KCTD3: variants seen among roughly 807,000 people sequenced by gnomAD.
KCTD3 encodes the protein potassium channel tetramerization domain containing 3.
KCTD3 carries 41 observed loss-of-function variants against 85.8 expected under a neutral mutation model. That is an observed-to-expected ratio of 0.48 (90% CI 0.37 to 0.62). KCTD3 has a LOEUF of 0.62. Ranked by LOEUF, KCTD3 falls within the 20% of genes least tolerant of loss-of-function variation. KCTD3 has a pLI of 0.00. For synonymous variants in KCTD3, 338 were observed against 345.4 expected (o/e 0.98, Z 0.24); for missense variants, 724 against 989.9 (o/e 0.73, Z 3.60).
intron 14 of KCTD3, among the ~76,000 whole-genome samples, chr1:215,609,522 A>G (rs1410050118): frequency 1.3e-5 from 2 of 152,072 alleles, no homozygotes; most frequent in East Asian, 3.9e-4. Flanking sequence ...AATTTTGAGA[A>G]TGATACTAGA....
intron 1 of KCTD3, 126 bp downstream of exon 1, chr1:215,567,894 GGGGCCTCCA>G: frequency 1.8e-6 from 1 of 566,658 alleles, no homozygotes; most frequent in South Asian, 9.1e-5. Flanking sequence ...GGGGAACGTG[GGGGCCTCCA>G]GGCGGCAAGA....
chr1:215,613,889 T>G (rs1282426354), intron 15 of KCTD3, among the ~76,000 whole-genome samples: 1 of 152,186 alleles, frequency 6.6e-6, no homozygotes, highest in East Asian at 1.9e-4. Flanking sequence ...CATGCTGTTT[T>G]GGTTATTGTA....
chr1:215,613,466 G>A (rs1655307587), intron 15 of KCTD3, among the ~76,000 whole-genome samples: 1 of 152,170 alleles, frequency 6.6e-6, no homozygotes, highest in Non-Finnish European at 1.5e-5. Context: ...TTACTCTGTT[G>A]ATAGTTTCTT....
chr1:215,604,995 A>G (rs1654962743), intron 13 of KCTD3, among the ~76,000 whole-genome samples: 1 of 152,198 alleles, frequency 6.6e-6, no homozygotes, highest in South Asian at 2.1e-4. Flanking sequence ...GTACTTTCTG[A>G]TTACAAAGTA....
At chr1:215,584,882 G>T (rs1339589655) in intron 8 of KCTD3, among the ~76,000 whole-genome samples, 1 of 152,164 alleles carries the variant, frequency 6.6e-6, no homozygotes, top group African/African-American at 2.4e-5. Context: ...CAGATAGAGA[G>T]AAAGAAATAT....
intron 4 of KCTD3, 140 bp downstream of exon 4, chr1:215,576,114 G>T (rs560180992): frequency 2.5e-5 from 15 of 590,354 alleles, no homozygotes; most frequent in Non-Finnish European, 4.2e-5. Flanking sequence ...AGGCTGGAGT[G>T]CAGGAGTGCA....
At chr1:215,615,058 AAC>A (rs889608810) in intron 15 of KCTD3, among the ~76,000 whole-genome samples, 4 of 152,160 alleles carry the variant, frequency 2.6e-5, no homozygotes, top group Admixed American at 1.3e-4. Flanking sequence ...TTCTAACAGT[AAC>A]ACTGTGCAAT....
At chr1:215,579,866 C>G (rs919584905) in intron 7 of KCTD3, 43 bp from the exon 8 acceptor site, 1 of 1,435,794 alleles carries the variant, frequency 7.0e-7, no homozygotes. Context: ...TTTGCCAACC[C>G]CCGGTTTAGA....
intron 10 of KCTD3, among the ~76,000 whole-genome samples, chr1:215,600,734 A>G (rs1654799032): frequency 6.6e-6 from 1 of 152,210 alleles, no homozygotes; most frequent in African/African-American, 2.4e-5. Context: ...TATGAAAAGT[A>G]AAAGTCCCTT....
chr1:215,616,602 A>G (rs901894908), intron 15 of KCTD3, among the ~76,000 whole-genome samples: 1 of 152,014 alleles, frequency 6.6e-6, no homozygotes, highest in African/African-American at 2.4e-5. Context: ...CTCTACTAAA[A>G]ATACAAAATT....
In KCTD3 at chr1:215,619,155, G is replaced by A. The variant is rs1464715010; in HGVS notation, c.1750G>A (p.Val584Ile). 3.7e-6 allele frequency: 6 copies of A among 1,613,476 alleles called. No individual in the cohort carries two copies. Among genetic ancestry groups the A allele is most frequent in the Non-Finnish European group, 5.1e-6 (6 of 1,179,716 alleles). The change falls in exon 17 of 18, where the codon GTA (valine) becomes ATA (isoleucine). Residue 584 changes from valine to isoleucine, a missense_variant and splice_region_variant. Physicochemically the swap from Val to Ile is conservative, Grantham distance 29. Coordinates refer to ENST00000259154, the MANE Select transcript of KCTD3 (RefSeq NM_016121.5). ...TAATGACTATTTGTTCTCCTAAGAT[G>A]TAGGTGGTCCAACCGAAGAAGAGCT... ...DMVNKSEDKDVGGPTEEELLK... is the reference protein window; with the variant it reads ...DMVNKSEDKDIGGPTEEELLK...
Position 215,608,024 on chromosome 1 carries a change from A to G in KCTD3, c.1317A>G (p.Ala439=). The part of the protein sequence containing the change: ...LSEKHLVSVC[A]DNNHVRTWTV... ...GTTCTCTTTCTCTGCTAGTCTGTGC[A>G]GATAATAATCATGTCCGGACGTGGA... The change falls in exon 14 of 18, where the codon GCA becomes GCG. Residue 439 remains alanine, a synonymous_variant. Transcript: ENST00000259154. 1.2e-6 allele frequency: 2 copies of G among 1,604,782 alleles called. No individual in the cohort carries two copies. Among genetic ancestry groups the G allele is most frequent in the Non-Finnish European group, 1.7e-6 (2 of 1,176,860 alleles).
At chr1:215,599,228 A>G (rs953011876) in intron 10 of KCTD3, among the ~76,000 whole-genome samples, 33 of 152,322 alleles carry the variant, frequency 2.2e-4, no homozygotes, top group African/African-American at 7.5e-4. Flanking sequence ...CTAAAGAAAA[A>G]TGCCTTTTGA....
intron 15 of KCTD3, 81 bp from the exon 16 acceptor site, chr1:215,618,805 C>A: frequency 9.6e-7 from 1 of 1,040,284 alleles, no homozygotes; most frequent in Non-Finnish European, 1.4e-6. Context: ...TGCTTTCTTT[C>A]TTTCTGTCTT....
chr1:215,608,203 G>T (rs769292591), intron 14 of KCTD3, 31 bp downstream of exon 14: 3 of 1,555,214 alleles, frequency 1.9e-6, no homozygotes, highest in Non-Finnish European at 2.6e-6. Flanking sequence ...GCATTTTTAG[G>T]TACTATATTA....
At chr1:215,598,919 A>T (rs1386807592) in intron 10 of KCTD3, among the ~76,000 whole-genome samples, 2 of 152,216 alleles carry the variant, frequency 1.3e-5, no homozygotes, top group Non-Finnish European at 2.9e-5. Context: ...GAGAAATGAA[A>T]ATGGGCATGA....
At chr1:215,579,805 A>G in intron 7 of KCTD3, 104 bp from the exon 8 acceptor site, 1 of 775,284 alleles carries the variant, frequency 1.3e-6, no homozygotes, top group Non-Finnish European at 2.2e-6. Flanking sequence ...GCTCTTAACA[A>G]AACTATTAAC....
intron 15 of KCTD3, 26 bp downstream of exon 15, chr1:215,611,947 G>A (rs544915572): frequency 1.4e-6 from 2 of 1,422,608 alleles, no homozygotes; most frequent in East Asian, 2.3e-5. Context: ...AAAAATATTT[G>A]TATTCAGAAG....
At chr1:215,569,058 C>A (rs1251389374) in intron 1 of KCTD3, among the ~76,000 whole-genome samples, 1 of 151,608 alleles carries the variant, frequency 6.6e-6, no homozygotes, top group Non-Finnish European at 1.5e-5. Context: ...GCAGTATAAT[C>A]ATTTACAATC....
Sources: allele counts gnomAD v4.1 joint callset (sites outside exome capture counted in the v4.1 genomes callset), GRCh38; gene constraint gnomAD v4.1.1; transcripts MANE v1.5; gene names NCBI Gene and HGNC (gene_info 2026-07-23, HGNC 2026-07-21).